ALPK2: variants seen among roughly 807,000 people sequenced by gnomAD.
ALPK2 encodes alpha kinase 2, also known as alpha-protein kinase 2.
A neutral mutation model predicts 163.1 loss-of-function variants in ALPK2; 127 were observed. The ratio of observed to expected loss-of-function variants is 0.78; its 90% CI spans 0.67 to 0.90. ALPK2 has a LOEUF of 0.90. ALPK2 is among the 40% of genes least tolerant of loss of function. ALPK2 has a pLI of 0.00. For missense variants in ALPK2, 2,360 were observed against 2,589.6 expected (o/e 0.91, Z 1.92); for synonymous variants, 953 against 959.1 (o/e 0.99, Z 0.12).
chr18:58,569,252 A>G (rs985110763), intron 4 of ALPK2, among the ~76,000 whole-genome samples: 1 of 152,180 alleles, frequency 6.6e-6, no homozygotes, highest in Non-Finnish European at 1.5e-5. Context: ...CAAGGCTCTC[A>G]ACCTTGGAAG....
At chr18:58,487,343 C>T (rs540215546) in intron 12 of ALPK2, among the ~76,000 whole-genome samples, 2 of 152,232 alleles carry the variant, frequency 1.3e-5, no homozygotes, top group African/African-American at 4.8e-5. Flanking sequence ...CAAGGATTGC[C>T]AGCAAACCCG....
At chr18:58,587,693 T>A (rs2051994443) in intron 3 of ALPK2, among the ~76,000 whole-genome samples, 1 of 152,142 alleles carries the variant, frequency 6.6e-6, no homozygotes, top group Admixed American at 6.5e-5. Context: ...ATTATCCAAT[T>A]TTAGGAACAC....
chr18:58,494,665 C>T (rs759060144), intron 12 of ALPK2, among the ~76,000 whole-genome samples: 6 of 152,016 alleles, frequency 3.9e-5, no homozygotes, highest in Non-Finnish European at 5.9e-5. Context: ...ATAGAACTTG[C>T]GACTCTCCCT....
intron 12 of ALPK2, among the ~76,000 whole-genome samples, chr18:58,482,472 A>G (rs2051316606): frequency 6.6e-6 from 1 of 152,222 alleles, no homozygotes; most frequent in African/African-American, 2.4e-5. Context: ...TATTTTGTTT[A>G]GACCCTTCAA....
chr18:58,505,615 C>T (rs965868282), intron 10 of ALPK2, among the ~76,000 whole-genome samples: 9 of 152,138 alleles, frequency 5.9e-5, no homozygotes, highest in Non-Finnish European at 1.0e-4. Context: ...TAGCAGCATT[C>T]CATGATAGCT....
chr18:58,534,307 A>C lies in ALPK2; in HGVS notation c.5353+527T>G, dbSNP rs1602204889. ...GAAATGTTACACTCAAATTTGGAAG[A>C]AAAAACCAAGGTTCAAGGAAGTTAT... On this transcript the variant is annotated intron_variant, in intron 5 of 12. Coordinates refer to ENST00000361673, the MANE Select transcript of ALPK2 (RefSeq NM_052947.4). 5.6e-4 allele frequency among the ~76,000 whole-genome samples: 3 copies of C among 5,320 alleles called. No individual in the cohort carries two copies. In the Admixed American group the frequency reaches 6.7e-3, roughly 12 times the overall value. The allele number at this position is 5,320 out of a possible 152,430, so 3.5% of individuals were successfully genotyped here. A position where few individuals can be genotyped will look rare whatever the true frequency, so the allele number is the denominator to read the frequency against.
rs1386942876 is a variant in ALPK2, at chr18:58,579,354, T to C, written c.1422A>G (p.Gln474=). Residue 474 remains glutamine (Q), a synonymous_variant, in exon 4 of 13, where the codon CAA becomes CAG. Transcript: ENST00000361673. ...TGTCACTGGCAAATTCCTCTCTTGCTTGGTGGCTGTCTCTGGTTTCTCCTT... is the reference window on the plus strand; with the variant it reads ...TGTCACTGGCAAATTCCTCTCTTGCCTGGTGGCTGTCTCTGGTTTCTCCTT... The part of the protein sequence containing the change: ...GIQGETRDSH[Q]AREEFASDNL... The C allele has an allele frequency of 1.9e-6, 3 of 1,614,102 alleles. No individual in the cohort carries two copies. Among genetic ancestry groups the C allele is most frequent in the Non-Finnish European group, 2.5e-6 (3 of 1,180,032 alleles).
intron 4 of ALPK2, among the ~76,000 whole-genome samples, chr18:58,577,729 C>A (rs1667236066): frequency 6.6e-6 from 1 of 152,192 alleles, no homozygotes. Flanking sequence ...TCAACAGTTA[C>A]CTAAAATCTG....
rs149357084 is a variant in ALPK2, at chr18:58,618,747, G to A, written c.-20-6930C>T. Among the ~76,000 whole-genome samples, 482 of 152,322 alleles carry A rather than the reference G, an allele frequency of 3.2e-3. 2 individuals are homozygous for A. The highest frequency in any genetic ancestry group is 0.022 in the East Asian group (115 of 5,172). On this transcript the variant is annotated intron_variant, in intron 1 of 12. Transcript: ENST00000361673. ...ATTTAAAACACTCAAGTGATGTCAC[G>A]TTTTATTTTGACTAATCTGCATCCC... is the stretch of plus-strand genomic sequence containing the variant.
intron 12 of ALPK2, among the ~76,000 whole-genome samples, chr18:58,490,153 G>A (rs1209766210): frequency 6.6e-6 from 1 of 152,166 alleles, no homozygotes; most frequent in African/African-American, 2.4e-5. Context: ...CAGAAATCTT[G>A]TTTCACATAA....
chr18:58,496,063 G>A (rs2051399502), intron 12 of ALPK2, among the ~76,000 whole-genome samples: 1 of 152,172 alleles, frequency 6.6e-6, no homozygotes, highest in South Asian at 2.1e-4. Flanking sequence ...GGGTACACTT[G>A]TTCAGGATCA....
intron 5 of ALPK2, among the ~76,000 whole-genome samples, chr18:58,534,046 G>C (rs902563662): frequency 2.0e-5 from 3 of 152,092 alleles, no homozygotes; most frequent in African/African-American, 7.2e-5. Flanking sequence ...TGTGGGGAGA[G>C]AAAGAAGAGC....
chr18:58,539,916 A>C (rs1029835213), intron 4 of ALPK2, among the ~76,000 whole-genome samples: 7 of 152,158 alleles, frequency 4.6e-5, no homozygotes, highest in African/African-American at 1.7e-4. Flanking sequence ...TTCTCTTTTA[A>C]AGCTACTTTG....
chr18:58,608,877 A>G (rs112092356), intron 2 of ALPK2, among the ~76,000 whole-genome samples: 5 of 151,006 alleles, frequency 3.3e-5, no homozygotes, highest in Middle Eastern at 3.4e-3. Flanking sequence ...ATCTGAGCCT[A>G]TGTGGTCGAG....
intron 1 of ALPK2, among the ~76,000 whole-genome samples, chr18:58,612,074 T>C (rs1390108376): frequency 1.3e-5 from 2 of 152,120 alleles, no homozygotes; most frequent in Non-Finnish European, 1.5e-5. Context: ...CAGATGCCAA[T>C]AGCACCCCCA....
At chr18:58,489,906 CCCCG>C (rs2051363820) in intron 12 of ALPK2, among the ~76,000 whole-genome samples, 1 of 151,712 alleles carries the variant, frequency 6.6e-6, no homozygotes, top group Non-Finnish European at 1.5e-5. Flanking sequence ...ACCATCCTGG[CCCCG>C]TCTCTACTAA....
chr18:58,607,246 C>G, intron 3 of ALPK2, 76 bp downstream of exon 3: 2 of 1,059,052 alleles, frequency 1.9e-6, no homozygotes, highest in South Asian at 1.9e-5. Context: ...AATCTTTTGG[C>G]CTTACCTCAT....
rs1430669769 is a variant in ALPK2, at chr18:58,607,404, C to G, written c.145G>C (p.Gly49Arg). 2 of 1,613,024 alleles carry G rather than the reference C, an allele frequency of 1.2e-6. No homozygotes were observed. Among genetic ancestry groups the G allele is most frequent in the Admixed American group, 1.7e-5 (1 of 59,898 alleles). The change falls in exon 3 of 13, where the codon GGT becomes CGT. Residue 49 changes from glycine to arginine, a missense_variant. Transcript: ENST00000361673. ...ATGCCACTCCCATCGATGGCCTGAC[C>G]ATTCTTATACCAAGTTACCTCTGGC... is the stretch of plus-strand genomic sequence containing the variant. The part of the protein sequence containing the change: ...PKPEVTWYKN[G>R]QAIDGSGIIS...
At chr18:58,599,719 C>G (rs1460833491) in intron 3 of ALPK2, among the ~76,000 whole-genome samples, 2 of 152,136 alleles carry the variant, frequency 1.3e-5, no homozygotes, top group Admixed American at 1.3e-4. Context: ...GTTTAAAGCA[C>G]CTGAAATAGC....
Sources: gnomAD v4.1 joint callset for allele counts (sites outside exome capture counted in the v4.1 genomes callset) on GRCh38, gnomAD v4.1.1 for gene constraint, MANE v1.5 for transcripts, NCBI Gene and HGNC (gene_info 2026-07-23, HGNC 2026-07-21) for gene names.